Variants in PRKG1 observed in about 807,000 individuals in gnomAD.
PRKG1 encodes cGMP-dependent protein kinase 1.
Under a neutral mutation model 88.1 loss-of-function variants are expected in PRKG1, and 35 were observed. The observed-to-expected ratio is 0.40, with a 90% CI of 0.30 to 0.53. The LOEUF is 0.53. PRKG1 is among the 20% of genes least tolerant of loss of function. PRKG1 has a pLI of 0.59. For missense variants in PRKG1, 540 were observed against 839.8 expected (o/e 0.64, Z 4.41); for synonymous variants, 303 against 292.5 (o/e 1.04, Z -0.37).
chr10:51,287,712 G>T (rs569565481), intron 2 of PRKG1, among the ~76,000 whole-genome samples: 1 of 152,054 alleles, frequency 6.6e-6, no homozygotes, highest in Non-Finnish European at 1.5e-5. Context: ...TGGGGAGAAG[G>T]GGGTGATTTT....
At chr10:51,477,965 A>T (rs1840245688) in intron 3 of PRKG1, among the ~76,000 whole-genome samples, 1 of 152,058 alleles carries the variant, frequency 6.6e-6, no homozygotes, top group African/African-American at 2.4e-5. Context: ...ATATAGTGGC[A>T]AAGATTGAAT....
At chr10:51,919,749 C>G (rs1842423469) in intron 5 of PRKG1, among the ~76,000 whole-genome samples, 1 of 151,992 alleles carries the variant, frequency 6.6e-6, no homozygotes, top group East Asian at 1.9e-4. Flanking sequence ...TCCTTTTGTA[C>G]AGTTTGTACT....
intron 2 of PRKG1, among the ~76,000 whole-genome samples, chr10:51,169,574 G>C (rs1564625468): frequency 7.0e-6 from 1 of 142,354 alleles, no homozygotes; most frequent in Non-Finnish European, 1.5e-5. Flanking sequence ...AAGATAAAAG[G>C]CTTACTCCAA....
chr10:51,879,834 G>A (rs984482321), intron 4 of PRKG1, among the ~76,000 whole-genome samples: 2 of 152,160 alleles, frequency 1.3e-5, no homozygotes, highest in African/African-American at 2.4e-5. Flanking sequence ...TCTGAAATCC[G>A]ATTGATGTTA....
chr10:51,508,160 G>A (rs544939959), intron 3 of PRKG1, among the ~76,000 whole-genome samples: 83 of 152,120 alleles, frequency 5.5e-4, no homozygotes, highest in African/African-American at 1.8e-3. Context: ...TAAATGAGAC[G>A]GTACATGTAA....
intron 5 of PRKG1, among the ~76,000 whole-genome samples, chr10:51,931,297 A>G (rs1482509273): frequency 6.6e-6 from 1 of 152,168 alleles, no homozygotes; most frequent in Non-Finnish European, 1.5e-5. Flanking sequence ...CTAAAATAGG[A>G]AAGTCATGGG....
intron 8 of PRKG1, among the ~76,000 whole-genome samples, chr10:52,158,752 G>A (rs1339491384): frequency 6.6e-6 from 1 of 151,532 alleles, no homozygotes; most frequent in Non-Finnish European, 1.5e-5. Context: ...CATCTTCTAA[G>A]TAAAGATTAT....
At chr10:51,692,367 C>A (rs1841166975) in intron 3 of PRKG1, among the ~76,000 whole-genome samples, 1 of 152,090 alleles carries the variant, frequency 6.6e-6, no homozygotes, top group Admixed American at 6.5e-5. Flanking sequence ...CTCAGCCTCC[C>A]AAGTAGCTGG....
At chr10:52,017,224 C>G (rs537921017) in intron 5 of PRKG1, among the ~76,000 whole-genome samples, 1 of 152,206 alleles carries the variant, frequency 6.6e-6, no homozygotes, top group Admixed American at 6.5e-5. Context: ...AAAATTTGAG[C>G]AGGGAAATGC....
At chr10:51,682,250 C>T (rs747858602) in intron 3 of PRKG1, among the ~76,000 whole-genome samples, 10 of 152,090 alleles carry the variant, frequency 6.6e-5, no homozygotes, top group Non-Finnish European at 1.3e-4. Context: ...GATTTCTTCT[C>T]GTACAAAATA....
intron 7 of PRKG1, among the ~76,000 whole-genome samples, chr10:52,103,057 C>A (rs1847333401): frequency 6.6e-6 from 1 of 152,108 alleles, no homozygotes; most frequent in Non-Finnish European, 1.5e-5. Flanking sequence ...GGAGCACAAA[C>A]CCTATTTTGA....
At chr10:51,694,422 A>G (rs1266522371) in intron 3 of PRKG1, among the ~76,000 whole-genome samples, 2 of 152,372 alleles carry the variant, frequency 1.3e-5, no homozygotes, top group East Asian at 3.9e-4. Context: ...AAAGCCAAAC[A>G]TAATCTTACT....
intron 2 of PRKG1, among the ~76,000 whole-genome samples, chr10:51,218,761 G>A (rs890131883): frequency 2.0e-5 from 3 of 151,564 alleles, no homozygotes; most frequent in African/African-American, 4.8e-5. Context: ...AAAAAGATTG[G>A]GACCCAAGTT....
intron 2 of PRKG1, among the ~76,000 whole-genome samples, chr10:51,421,624 T>C (rs1436263794): frequency 6.6e-6 from 1 of 152,182 alleles, no homozygotes; most frequent in Non-Finnish European, 1.5e-5. Context: ...CTTTTTGTTA[T>C]CTATCCTCCA....
chr10:51,271,598 A>G (rs1269178567), intron 2 of PRKG1, among the ~76,000 whole-genome samples: 1 of 152,216 alleles, frequency 6.6e-6, no homozygotes, highest in Non-Finnish European at 1.5e-5. Flanking sequence ...AATATTTTCA[A>G]AATATTTTAA....
chr10:51,831,754 A>G (rs1296345107), intron 4 of PRKG1, among the ~76,000 whole-genome samples: 1 of 152,150 alleles, frequency 6.6e-6, no homozygotes, highest in Non-Finnish European at 1.5e-5. Context: ...CTCGGCCCTT[A>G]AAAGAGGCTT....
chr10:52,240,965 C>T (rs1840844459), intron 9 of PRKG1, among the ~76,000 whole-genome samples: 1 of 152,120 alleles, frequency 6.6e-6, no homozygotes, highest in Non-Finnish European at 1.5e-5. Context: ...TATAGACTTA[C>T]TTATGAATTT....
chr10:52,006,624 G>A (rs1844742923), intron 5 of PRKG1, among the ~76,000 whole-genome samples: 1 of 152,226 alleles, frequency 6.6e-6, no homozygotes, highest in Non-Finnish European at 1.5e-5. Context: ...AGAAATATGG[G>A]ATTACATATA....
intron 2 of PRKG1, among the ~76,000 whole-genome samples, chr10:51,259,205 C>G (rs1333470904): frequency 6.6e-6 from 1 of 152,132 alleles, no homozygotes; most frequent in Non-Finnish European, 1.5e-5. Context: ...TATGCATATA[C>G]TCACATATGT....
Sources: allele counts gnomAD v4.1 joint callset (sites outside exome capture counted in the v4.1 genomes callset), GRCh38; gene constraint gnomAD v4.1.1; transcripts MANE v1.5; gene names NCBI Gene and HGNC (gene_info 2026-07-23, HGNC 2026-07-21).